CENPO: variants seen among roughly 807,000 people sequenced by gnomAD.
The protein encoded by CENPO is centromere protein O.
A neutral mutation model predicts 36.1 loss-of-function variants in CENPO; 30 were observed. The ratio of observed to expected loss-of-function variants is 0.83; its 90% CI spans 0.62 to 1.13. The LOEUF (loss-of-function observed/expected upper bound fraction) is 1.13. CENPO is among the 50% of genes most tolerant of loss of function. The pLI is 0.00. For missense variants in CENPO, 349 were observed against 357.8 expected (o/e 0.98, Z 0.20); for synonymous variants, 171 against 142.3 (o/e 1.20, Z -1.44).
Position 24,820,129 on chromosome 2 carries a change from G to A in CENPO, c.*811G>A. ...TCTTCTACCACCTGGAGAGGGAGGG[G>A]GAGCAAGAACGTGGCGTTACGGGGG... On this transcript the variant is annotated 3_prime_UTR_variant, in exon 8 of 8. Transcript: ENST00000380834. 2.0e-6 allele frequency: 3 copies of A among 1,532,160 alleles called. No individual in the cohort carries two copies. The highest frequency in any genetic ancestry group is 2.6e-5 in the South Asian group (2 of 78,216). 94.9% of individuals were successfully genotyped at this position (1,532,160 alleles called of 1,614,324 possible). A position where few individuals can be genotyped will look rare whatever the true frequency, so the allele number is the denominator to read the frequency against.
chr2:24,797,344 T>C (rs1395905276), intron 2 of CENPO, among the ~76,000 whole-genome samples: 1 of 152,196 alleles, frequency 6.6e-6, no homozygotes, highest in East Asian at 1.9e-4. Context: ...GTCAGGTTCC[T>C]GTAAGTCTTC....
chr2:24,813,107 G>A (rs532544699), intron 3 of CENPO, among the ~76,000 whole-genome samples: 10 of 152,034 alleles, frequency 6.6e-5, no homozygotes, highest in South Asian at 2.1e-4. Flanking sequence ...TTAGCGAGGC[G>A]TGGTGGCGCA....
intron 3 of CENPO, among the ~76,000 whole-genome samples, chr2:24,805,114 G>A (rs536525085): frequency 1.3e-4 from 20 of 149,834 alleles, no homozygotes; most frequent in African/African-American, 4.7e-4. Context: ...CCAGTTGATC[G>A]AATCGGCTAC....
intron 7 of CENPO, 126 bp from the exon 8 acceptor site, chr2:24,819,228 T>C (rs1246051763): frequency 6.6e-6 from 1 of 152,660 alleles, no homozygotes; most frequent in East Asian, 1.9e-4. Context: ...ACCTGTAAAT[T>C]CTCTTAAAGC....
chr2:24,816,547 G>A (rs1319443111), intron 5 of CENPO, 99 bp from the exon 6 acceptor site: 7 of 752,068 alleles, frequency 9.3e-6, no homozygotes, highest in African/African-American at 5.4e-5. Flanking sequence ...AAATGTAATC[G>A]ATGGGCCTCT....
intron 3 of CENPO, among the ~76,000 whole-genome samples, chr2:24,800,962 A>G (rs1024286754): frequency 2.6e-5 from 4 of 152,008 alleles, no homozygotes; most frequent in South Asian, 2.1e-4. Context: ...AAGTGTTCCT[A>G]TTTCTCCACA....
chr2:24,794,088 A>AACTAACATTGAAGACAAAGGG, intron 2 of CENPO, 123 bp downstream of exon 2: 1 of 787,904 alleles, frequency 1.3e-6, no homozygotes, highest in Non-Finnish European at 2.3e-6. Context: ...TAGTGAAAGG[A>AACTAACATTGAAGACAAAGGG]ACTAACATTG....
intron 2 of CENPO, among the ~76,000 whole-genome samples, chr2:24,796,086 T>A (rs1405816690): frequency 6.6e-6 from 1 of 152,036 alleles, no homozygotes; most frequent in Non-Finnish European, 1.5e-5. Context: ...CCGGGCGCGG[T>A]GGCTCACACC....
chr2:24,805,418 C>T (rs1176877600), intron 3 of CENPO, among the ~76,000 whole-genome samples: 2 of 152,158 alleles, frequency 1.3e-5, no homozygotes, highest in African/African-American at 4.8e-5. Flanking sequence ...TTAGAGTTTC[C>T]AGTTTTTCTG....
chr2:24,798,236 C>A (rs1038305356), intron 2 of CENPO, among the ~76,000 whole-genome samples: 4 of 150,478 alleles, frequency 2.7e-5, no homozygotes, highest in African/African-American at 9.8e-5. Context: ...CAAGAATAGG[C>A]CTGTGAGTGT....
chr2:24,804,908 T>C (rs996739230), intron 3 of CENPO, among the ~76,000 whole-genome samples: 1 of 152,210 alleles, frequency 6.6e-6, no homozygotes, highest in Admixed American at 6.5e-5. Context: ...CTGGATAATA[T>C]CCTGCAGAGT....
intron 2 of CENPO, among the ~76,000 whole-genome samples, chr2:24,795,620 CCTA>C (rs2148246397): frequency 6.6e-6 from 1 of 152,262 alleles, no homozygotes; most frequent in Admixed American, 6.5e-5. Context: ...GTTTTGAACA[CCTA>C]CTTATCTCAG....
chr2:24,800,766 G>C (rs931641973), intron 3 of CENPO, among the ~76,000 whole-genome samples: 35 of 152,096 alleles, frequency 2.3e-4, no homozygotes, highest in Admixed American at 1.5e-3. Flanking sequence ...TTGCTATTGT[G>C]AATAGTGCCG....
At chr2:24,815,380 A>C in intron 4 of CENPO, 117 bp from the exon 5 acceptor site, 4 of 781,400 alleles carry the variant, frequency 5.1e-6, no homozygotes, top group Non-Finnish European at 8.8e-6. Flanking sequence ...CTCATTGAAC[A>C]AACATTTGTG....
chr2:24,814,408 C>A lies in CENPO; in HGVS notation c.249C>A (p.Asn83Lys). 1 of 1,602,682 alleles carries A rather than the reference C, an allele frequency of 6.2e-7. No homozygotes were observed. The highest frequency in any genetic ancestry group is 8.5e-7 in the Non-Finnish European group (1 of 1,169,618). Residue 83 changes from asparagine to lysine, a missense_variant, in exon 4 of 8, where the codon AAC becomes AAA. By Grantham distance (94) the Asn-to-Lys change is moderately conservative. Coordinates refer to ENST00000380834, the MANE Select transcript of CENPO (RefSeq NM_001322101.2). The part of the protein sequence containing the change: ...VKACIANVEP[N>K]QTVEINEQEA... ...CATGTATTGCCAATGTAGAACCCAA[C>A]CAAACAGTGGAGATCAATGAGCAAG...
At chr2:24,817,644 G>A (rs1667017201) in intron 6 of CENPO, 26 bp from the exon 7 acceptor site, 1 of 1,614,122 alleles carries the variant, frequency 6.2e-7, no homozygotes, top group Non-Finnish European at 8.5e-7. Flanking sequence ...TGCACTGAAT[G>A]AGATTGATGG....
At chr2:24,803,843 G>A (rs1040057988) in intron 3 of CENPO, among the ~76,000 whole-genome samples, 2 of 152,112 alleles carry the variant, frequency 1.3e-5, no homozygotes, top group African/African-American at 4.8e-5. Context: ...TGTCTATTAG[G>A]TCCGCTTGGT....
rs1666073688 is a variant in CENPO, at chr2:24,799,655, T to C, written c.47-20T>C. 1 of 1,565,834 alleles carries C rather than the reference T, an allele frequency of 6.4e-7. No individual in the cohort carries two copies. ...AGAAATCCTCAGCTTCTTGTAAAAT[T>C]CTCCTTTTACTCTCCTTAGGTGTTT... On this transcript the variant is annotated intron_variant, in intron 2 of 7. Transcript: ENST00000380834.
In CENPO at chr2:24,817,718, A is replaced by G; in HGVS notation, c.815A>G (p.Glu272Gly). 6.2e-7 allele frequency: 1 copy of G among 1,614,262 alleles called. No homozygotes were observed. Among genetic ancestry groups the G allele is most frequent in the Non-Finnish European group, 8.5e-7 (1 of 1,180,044 alleles). ...TSWEEQRASH[E>G]TLFCTKPLHQ... ...TGGGAGGAGCAACGAGCATCTCATGAAACTCTGTTCTGTACGAAGCCCTTG... is the reference window on the plus strand; with the variant it reads ...TGGGAGGAGCAACGAGCATCTCATGGAACTCTGTTCTGTACGAAGCCCTTG... The change falls in exon 7 of 8, where the codon GAA (glutamate) becomes GGA (glycine). Residue 272 changes from glutamate (E) to glycine (G), a missense_variant. Glu to Gly is a moderately conservative substitution (Grantham distance 98). Transcript: ENST00000380834.
Sources: gnomAD v4.1 joint callset for allele counts (sites outside exome capture counted in the v4.1 genomes callset) on GRCh38, gnomAD v4.1.1 for gene constraint, MANE v1.5 for transcripts, NCBI Gene and HGNC (gene_info 2026-07-23, HGNC 2026-07-21) for gene names.